THRB: variants seen among roughly 807,000 people sequenced by gnomAD.
THRB encodes thyroid hormone receptor beta.
A neutral mutation model predicts 47.8 loss-of-function variants in THRB; 12 were observed. The ratio of observed to expected loss-of-function variants is 0.25; its 90% CI spans 0.16 to 0.41. THRB has a LOEUF of 0.41. Ranked by LOEUF, THRB falls within the 10% of genes least tolerant of loss-of-function variation. The pLI, the probability that THRB is intolerant of heterozygous loss-of-function variation, is 1.00. For synonymous variants in THRB, 218 were observed against 212.2 expected (o/e 1.03, Z -0.24); for missense variants, 348 against 589.2 (o/e 0.59, Z 4.24).
intron 4 of THRB, among the ~76,000 whole-genome samples, chr3:24,227,767 G>A (rs940657723): frequency 2.0e-5 from 3 of 152,096 alleles, no homozygotes; most frequent in Non-Finnish European, 4.4e-5. Flanking sequence ...GGGTGGGGAG[G>A]TGACATGAAT....
At chr3:24,234,838 C>T (rs888798683) in intron 3 of THRB, among the ~76,000 whole-genome samples, 1 of 152,150 alleles carries the variant, frequency 6.6e-6, no homozygotes, top group African/African-American at 2.4e-5. Flanking sequence ...CAAAAAAGCC[C>T]AGGGTATGTG....
At chr3:24,403,704 T>C (rs568146976) in intron 1 of THRB, among the ~76,000 whole-genome samples, 1 of 152,048 alleles carries the variant, frequency 6.6e-6, no homozygotes, top group South Asian at 2.1e-4. Context: ...TAAAAATTAT[T>C]TTAATTAAAT....
chr3:24,169,983 C>T (rs1203100177), intron 5 of THRB, among the ~76,000 whole-genome samples: 1 of 150,178 alleles, frequency 6.7e-6, no homozygotes, highest in African/African-American at 2.4e-5. Flanking sequence ...TAGCTGATCT[C>T]ATCCTGTCTC....
intron 4 of THRB, among the ~76,000 whole-genome samples, chr3:24,198,028 G>C (rs76407920): frequency 6.6e-6 from 1 of 152,180 alleles, no homozygotes; most frequent in African/African-American, 2.4e-5. Context: ...GGGTGAGCTG[G>C]TCACCAGAGG....
chr3:24,441,207 G>A (rs1202517568), intron 1 of THRB, among the ~76,000 whole-genome samples: 1 of 152,198 alleles, frequency 6.6e-6, no homozygotes, highest in Non-Finnish European at 1.5e-5. Flanking sequence ...AAGGCCAGTA[G>A]GGGAAACACT....
At chr3:24,487,424 T>TC (rs1429598517) in intron 1 of THRB, among the ~76,000 whole-genome samples, 10 of 152,188 alleles carry the variant, frequency 6.6e-5, no homozygotes, top group African/African-American at 1.7e-4. Flanking sequence ...TTCTTGGACA[T>TC]TTATAATGCA....
chr3:24,339,731 C>T (rs1254997574), intron 1 of THRB, among the ~76,000 whole-genome samples: 1 of 152,136 alleles, frequency 6.6e-6, no homozygotes, highest in African/African-American at 2.4e-5. Flanking sequence ...AAGCCCCAAA[C>T]CCTTCCAACT....
At position 24,155,769 on chromosome 3, in the gene THRB, T is replaced by C. The variant is rs182473199; in HGVS notation, c.284-3279A>G. On this transcript the variant is annotated intron_variant, in intron 5 of 10. Coordinates refer to ENST00000646209, the MANE Select transcript of THRB (RefSeq NM_001354712.2). ...TGCCAAGAGTGGACACTGATGAGTG[T>C]CATAATGTCAGCGTTGGATTCTGCC... Among the ~76,000 whole-genome samples, 235 of 152,314 alleles carry C rather than the reference T, an allele frequency of 1.5e-3. 1 individual carries two copies. Among genetic ancestry groups the C allele is most frequent in the Non-Finnish European group, 2.8e-3 (192 of 68,026 alleles).
In THRB at chr3:24,367,740, C is replaced by T. The variant is rs559330171; in HGVS notation, c.-260-30369G>A. Among the ~76,000 whole-genome samples the T allele has an allele frequency of 4.6e-5, 7 of 152,296 alleles. No individual in the cohort carries two copies. The South Asian group carries it at 1.5e-3, about 32-fold the overall frequency. ...GGATACTCTAAGGCACTTCTCACAG[C>T]AATACAAGTAGATTACAACAAGAAA... On this transcript the variant is annotated intron_variant, in intron 1 of 10. Transcript: ENST00000646209.
At chr3:24,278,492 C>A (rs2054172772) in intron 3 of THRB, among the ~76,000 whole-genome samples, 1 of 152,150 alleles carries the variant, frequency 6.6e-6, no homozygotes, top group Admixed American at 6.5e-5. Flanking sequence ...CAGGAAAAAC[C>A]TATTTTTGCT....
At chr3:24,270,171 CTTTT>C (rs1372385293) in intron 3 of THRB, among the ~76,000 whole-genome samples, 1 of 152,172 alleles carries the variant, frequency 6.6e-6, no homozygotes, top group African/African-American at 2.4e-5. Context: ...TTGCATCTTT[CTTTT>C]TAATAATTGG....
At chr3:24,222,082 AT>A (rs2047212373) in intron 4 of THRB, among the ~76,000 whole-genome samples, 1 of 152,182 alleles carries the variant, frequency 6.6e-6, no homozygotes. Context: ...GAAAAAGGTG[AT>A]GTATTAGCTG....
At chr3:24,219,079 C>A (rs765690892) in intron 4 of THRB, among the ~76,000 whole-genome samples, 2 of 152,066 alleles carry the variant, frequency 1.3e-5, no homozygotes. Context: ...CCAGCCTGGT[C>A]AACATGGTGA....
rs9851542 is a variant in THRB, at chr3:24,380,703, C to G, written c.-260-43332G>C. Among the ~76,000 whole-genome samples, 1,019 of 152,284 alleles carry G rather than the reference C, an allele frequency of 6.7e-3. 10 individuals carry two copies. The highest frequency in any genetic ancestry group is 0.022 in the African/African-American group (932 of 41,558). ...AACTGTACAGTACACAAAGCACTTT[C>G]TAATACATTATCTGACTTGATCCTG... On this transcript the variant is annotated intron_variant, in intron 1 of 10. Transcript: ENST00000646209.
In THRB at chr3:24,390,438, C is replaced by T. The variant is rs34956623; in HGVS notation, c.-260-53067G>A. ...ATAATATTTACTTTTGTAGACATCC[C>T]GCCAGCTCTTTGATAAATGTGTTAG... On this transcript the variant is annotated intron_variant, in intron 1 of 10. Transcript: ENST00000646209. Among the ~76,000 whole-genome samples the T allele has an allele frequency of 1.5e-3, 222 of 152,196 alleles. 1 individual carries two copies. Among genetic ancestry groups the T allele is most frequent in the Admixed American group, 2.4e-3 (36 of 15,268 alleles).
chr3:24,234,346 T>C (rs1159784569), intron 3 of THRB, among the ~76,000 whole-genome samples: 3 of 152,114 alleles, frequency 2.0e-5, no homozygotes, highest in Admixed American at 6.5e-5. Context: ...AAAATGCAGA[T>C]AGCTAATGGA....
intron 1 of THRB, among the ~76,000 whole-genome samples, chr3:24,370,133 C>T (rs532821611): frequency 7.2e-5 from 11 of 152,176 alleles, no homozygotes; most frequent in East Asian, 1.9e-4. Context: ...GGATATTTTA[C>T]GACTGAGACT....
At chr3:24,417,056 T>C (rs1322927753) in intron 1 of THRB, among the ~76,000 whole-genome samples, 3 of 151,720 alleles carry the variant, frequency 2.0e-5, no homozygotes, top group Admixed American at 6.6e-5. Flanking sequence ...ATTTCATTTA[T>C]GCATATTTAT....
chr3:24,327,982 A>G (rs768504987), intron 2 of THRB, among the ~76,000 whole-genome samples: 28 of 152,212 alleles, frequency 1.8e-4, no homozygotes, highest in Admixed American at 3.3e-4. Flanking sequence ...TCAATACCCT[A>G]TAGGAAATGG....
Sources: allele counts gnomAD v4.1 joint callset (sites outside exome capture counted in the v4.1 genomes callset), GRCh38; gene constraint gnomAD v4.1.1; transcripts MANE v1.5; gene names NCBI Gene and HGNC (gene_info 2026-07-23, HGNC 2026-07-21).